The following SND1 variants were observed in gnomAD, a reference collection of about 807,000 sequenced individuals.
SND1 encodes staphylococcal nuclease and tudor domain containing 1.
A neutral mutation model predicts 121.7 loss-of-function variants in SND1; 38 were observed. The ratio of observed to expected loss-of-function variants is 0.31; its 90% CI spans 0.24 to 0.41. SND1 has a LOEUF of 0.41. Ranked by LOEUF, SND1 falls within the 10% of genes least tolerant of loss-of-function variation. SND1 has a pLI of 1.00. For missense variants in SND1, 868 were observed against 1,184.6 expected, an observed-to-expected ratio of 0.73 and a Z score of 3.92; for synonymous variants, 401 against 447.4, an observed-to-expected ratio of 0.90 and a Z score of 1.31.
intron 16 of SND1, among the ~76,000 whole-genome samples, chr7:127,994,912 C>T (rs187930578): frequency 0.01 from 1,574 of 151,856 alleles, 45 homozygotes; most frequent in African/African-American, 0.036. Context: ...TTAGTAGAGA[C>T]GGGGTTTCAC....
At chr7:128,080,124 A>G (rs1204272816) in intron 17 of SND1, among the ~76,000 whole-genome samples, 1 of 152,248 alleles carries the variant, frequency 6.6e-6, no homozygotes, top group Non-Finnish European at 1.5e-5. Flanking sequence ...GGCACCTAAT[A>G]AGCACAGAAG....
At chr7:127,922,170 C>G (rs377060584) in intron 14 of SND1, among the ~76,000 whole-genome samples, 9 of 38,250 alleles carry the variant, frequency 2.4e-4, no homozygotes, top group Non-Finnish European at 5.0e-4. Context: ...TTCTTTTTTT[C>G]TTTCCTTTTT....
At chr7:127,756,966 T>C (rs1797208313) in intron 10 of SND1, among the ~76,000 whole-genome samples, 1 of 152,234 alleles carries the variant, frequency 6.6e-6, no homozygotes, top group South Asian at 2.1e-4. Context: ...ATTTGTATAC[T>C]GTGCAGTAAT....
chr7:127,856,555 T>C lies in SND1; in HGVS notation c.1343+12131T>C, dbSNP rs570738800. Among the ~76,000 whole-genome samples, 3 of 152,288 alleles carry C rather than the reference T, an allele frequency of 2.0e-5. No individual in the cohort carries two copies. The East Asian group carries it at 5.8e-4, about 29-fold the overall frequency. On this transcript the variant is annotated intron_variant, in intron 12 of 23. Coordinates refer to ENST00000354725, the MANE Select transcript of SND1 (RefSeq NM_014390.4). ...TTGGAGGTGAGTATGTATGGTAGGATTGGGAGATGTTTAAGAGCATTAGCT... is the reference window on the plus strand; with the variant it reads ...TTGGAGGTGAGTATGTATGGTAGGACTGGGAGATGTTTAAGAGCATTAGCT...
intron 18 of SND1, among the ~76,000 whole-genome samples, chr7:128,082,581 G>A (rs1045730937): frequency 3.3e-5 from 5 of 152,222 alleles, no homozygotes; most frequent in African/African-American, 4.8e-5. Flanking sequence ...ACGAGCCTGC[G>A]GGATTAGGTT....
At chr7:127,748,677 A>G (rs1797022748) in intron 10 of SND1, among the ~76,000 whole-genome samples, 1 of 152,242 alleles carries the variant, frequency 6.6e-6, no homozygotes, top group African/African-American at 2.4e-5. Context: ...GTAGAAAGTG[A>G]ACAAAACTAC....
chr7:127,920,543 A>C (rs1800680504), intron 14 of SND1, among the ~76,000 whole-genome samples: 1 of 152,130 alleles, frequency 6.6e-6, no homozygotes, highest in Non-Finnish European at 1.5e-5. Flanking sequence ...AGAGTATGGA[A>C]AAAAGGGGAA....
At chr7:127,931,845 C>T (rs1187478591) in intron 15 of SND1, among the ~76,000 whole-genome samples, 1 of 152,168 alleles carries the variant, frequency 6.6e-6, no homozygotes, top group African/African-American at 2.4e-5. Context: ...CATCTGGTGA[C>T]AGCCTGGTTT....
chr7:128,054,302 C>T (rs540922322), intron 16 of SND1, among the ~76,000 whole-genome samples: 4 of 152,326 alleles, frequency 2.6e-5, no homozygotes, highest in African/African-American at 9.6e-5. Flanking sequence ...AGAGTCCCAC[C>T]CAGTGGTGCC....
rs561611080 is a variant in SND1, at chr7:128,086,877, C to T, written c.2305-61C>T. The T allele has an allele frequency of 2.3e-5, 31 of 1,333,050 alleles. No individual in the cohort carries two copies. The African/African-American group carries it at 3.9e-4, about 17-fold the overall frequency. The allele number at this position is 1,333,050 out of a possible 1,614,324, so 82.6% of individuals were successfully genotyped here. On this transcript the variant is annotated intron_variant, in intron 20 of 23. Coordinates refer to ENST00000354725, the MANE Select transcript of SND1 (RefSeq NM_014390.4). Reference sequence around the variant, plus strand: ...CAGAGGCCTGGCCACAGAGAGCTGTCCTGTGAGAGAGCAAGGGGGCAGCGA... The same window carrying T: ...CAGAGGCCTGGCCACAGAGAGCTGTTCTGTGAGAGAGCAAGGGGGCAGCGA...
intron 21 of SND1, 129 bp downstream of exon 21, chr7:128,087,180 G>A (rs1405115271): frequency 1.3e-5 from 9 of 695,452 alleles, no homozygotes; most frequent in Non-Finnish European, 2.2e-5. Context: ...CTCAAGAGAT[G>A]GGAAGTTGAG....
intron 16 of SND1, among the ~76,000 whole-genome samples, chr7:128,056,073 C>T (rs2117027683): frequency 6.6e-6 from 1 of 152,340 alleles, no homozygotes; most frequent in South Asian, 2.1e-4. Context: ...AACCACTTCA[C>T]AAAATGGTTA....
intron 16 of SND1, among the ~76,000 whole-genome samples, chr7:128,058,509 A>G (rs1328608529): frequency 2.0e-5 from 3 of 152,220 alleles, no homozygotes; most frequent in African/African-American, 4.8e-5. Flanking sequence ...AGTTCTGCCA[A>G]TTGATATCAC....
chr7:127,726,770 AAG>A (rs1796589573), intron 10 of SND1, among the ~76,000 whole-genome samples: 2 of 152,228 alleles, frequency 1.3e-5, no homozygotes, highest in Non-Finnish European at 2.9e-5. Context: ...GTAGTTGACT[AAG>A]AGATACAGAG....
intron 15 of SND1, among the ~76,000 whole-genome samples, chr7:127,973,986 C>T (rs1387689156): frequency 6.6e-6 from 1 of 152,188 alleles, no homozygotes; most frequent in Non-Finnish European, 1.5e-5. Context: ...AGGTTGAAAA[C>T]CCAGCTCTGC....
intron 11 of SND1, among the ~76,000 whole-genome samples, chr7:127,841,481 GC>G (rs1798964008): frequency 6.6e-6 from 1 of 152,110 alleles, no homozygotes; most frequent in African/African-American, 2.4e-5. Context: ...ACATGGTATA[GC>G]CACCTTCACT....
intron 1 of SND1, among the ~76,000 whole-genome samples, chr7:127,662,039 C>G (rs967844709): frequency 6.6e-6 from 1 of 152,034 alleles, no homozygotes; most frequent in Admixed American, 6.5e-5. Context: ...TCTCTTGAAC[C>G]TGGGAGGTGG....
chr7:127,857,513 T>C (rs1462642642), intron 12 of SND1, among the ~76,000 whole-genome samples: 1 of 151,652 alleles, frequency 6.6e-6, no homozygotes, highest in Non-Finnish European at 1.5e-5. Flanking sequence ...GTTTTGTAAG[T>C]GAGGTTTCTT....
intron 15 of SND1, among the ~76,000 whole-genome samples, chr7:127,976,951 A>G (rs1802133893): frequency 6.6e-6 from 1 of 152,148 alleles, no homozygotes; most frequent in African/African-American, 2.4e-5. Flanking sequence ...CATTTCCTTC[A>G]GTCTGGGGAT....
Sources: gnomAD v4.1 joint callset for allele counts (sites outside exome capture counted in the v4.1 genomes callset) on GRCh38, gnomAD v4.1.1 for gene constraint, MANE v1.5 for transcripts, NCBI Gene and HGNC (gene_info 2026-07-23, HGNC 2026-07-21) for gene names.